NT5DC1: variants seen among roughly 807,000 people sequenced by gnomAD.
NT5DC1 encodes 5'-nucleotidase domain containing 1.
NT5DC1 carries 42 observed loss-of-function variants against 59.4 expected under a neutral mutation model. The ratio of observed to expected loss-of-function variants is 0.71; its 90% CI spans 0.55 to 0.92. The LOEUF is 0.92. Ranked by LOEUF, NT5DC1 falls within the 40% of genes least tolerant of loss-of-function variation. The pLI, the probability that NT5DC1 is intolerant of heterozygous loss-of-function variation, is 0.00. For missense variants in NT5DC1, 501 were observed against 537.1 expected (o/e 0.93, Z 0.66); for synonymous variants, 172 against 188.1 (o/e 0.91, Z 0.70).
chr6:116,220,340 T>C (rs1204796), intron 6 of NT5DC1, among the ~76,000 whole-genome samples: 95,037 of 151,880 alleles, frequency 0.63, 31,610 homozygotes, highest in African/African-American at 0.86. Flanking sequence ...GTAAGTCTGG[T>C]CAGGACATCT....
Position 116,115,747 on chromosome 6 carries a change from A to G in NT5DC1, c.421A>G (p.Arg141Gly), listed in dbSNP as rs1562119536. The G allele has an allele frequency of 1.3e-6, 2 of 1,593,660 alleles. No individual in the cohort carries two copies. Among genetic ancestry groups the G allele is most frequent in the Non-Finnish European group, 1.7e-6 (2 of 1,161,436 alleles). Residue 141 changes from arginine to glycine, a missense_variant, in exon 5 of 12, where the codon AGG (arginine) becomes GGG (glycine). Arg to Gly is a moderately radical substitution (Grantham distance 125, BLOSUM62 -2). Coordinates refer to ENST00000319550, the MANE Select transcript of NT5DC1 (RefSeq NM_152729.3). ...FDLPGALLCA[R>G]VVDYLTKLNN... ...CCTGCCAGGAGCTCTTCTGTGTGCC[A>G]GGGTGGTGGACTATTTAACAAAAGT...
In NT5DC1 at chr6:116,117,876, A is replaced by G. The variant is rs750212829; in HGVS notation, c.460A>G (p.Lys154Glu). Residue 154 changes from lysine to glutamate, a missense_variant, in exon 6 of 12, where the codon AAA becomes GAA. Transcript: ENST00000319550. ...ATTTTTTCAGCTGAACAATGGTCAA[A>G]AAACATTTGATTTTTGGAAGGATAT... ...DYLTKLNNGQ[K>E]TFDFWKDIVA... is the part of the protein sequence containing the mutation. 7.7e-6 allele frequency: 12 copies of G among 1,567,886 alleles called. No individual in the cohort carries two copies. Among genetic ancestry groups the G allele is most frequent in the Non-Finnish European group, 9.6e-6 (11 of 1,141,408 alleles).
At chr6:116,176,843 T>C (rs1256271305) in intron 6 of NT5DC1, among the ~76,000 whole-genome samples, 1 of 152,162 alleles carries the variant, frequency 6.6e-6, no homozygotes. Flanking sequence ...TATTTTCCTC[T>C]TGCCTGGCTG....
chr6:116,172,740 A>G (rs112484203), intron 6 of NT5DC1, among the ~76,000 whole-genome samples: 4 of 152,308 alleles, frequency 2.6e-5, no homozygotes, highest in African/African-American at 9.6e-5. Context: ...TAAAGTATTT[A>G]TTATATTTCT....
At chr6:116,150,318 C>T (rs1007736524) in intron 6 of NT5DC1, among the ~76,000 whole-genome samples, 1 of 151,932 alleles carries the variant, frequency 6.6e-6, no homozygotes, top group African/African-American at 2.4e-5. Context: ...CAAAGTCTTG[C>T]TCTGTCACCC....
At position 116,248,647 on chromosome 6, in the gene NT5DC1, A is replaced by G. The variant is rs1771890663; in HGVS notation, c.*4623A>G. 6.6e-6 allele frequency: 1 copy of G among 152,242 alleles called. No individual in the cohort carries two copies. Among genetic ancestry groups the G allele is most frequent in the Non-Finnish European group, 1.5e-5 (1 of 68,078 alleles). 9.4% of individuals were successfully genotyped at this position (152,242 alleles called of 1,614,324 possible). A position where few individuals can be genotyped will look rare whatever the true frequency, so the allele number is the denominator to read the frequency against. On this transcript the variant is annotated 3_prime_UTR_variant, in exon 12 of 12. Coordinates refer to ENST00000319550, the MANE Select transcript of NT5DC1 (RefSeq NM_152729.3). ...AAAGTGTTGTGTGAGGACCAGGGTA[A>G]TTATGCAGTGTCACCACTACTCACA... is the stretch of plus-strand genomic sequence containing the variant.
chr6:116,169,508 G>A (rs1780559393), intron 6 of NT5DC1, among the ~76,000 whole-genome samples: 1 of 152,188 alleles, frequency 6.6e-6, no homozygotes, highest in Non-Finnish European at 1.5e-5. Flanking sequence ...AGACTATATG[G>A]TAGGAAAATA....
intron 9 of NT5DC1, chr6:116,237,604 TC>T (rs1294235481): frequency 4.4e-5 from 19 of 430,658 alleles, no homozygotes; most frequent in Non-Finnish European, 9.3e-6. Context: ...GATTCTCATA[TC>T]CCTTAACTCT....
chr6:116,110,536 T>C (rs1438682388), intron 3 of NT5DC1, among the ~76,000 whole-genome samples: 1 of 152,180 alleles, frequency 6.6e-6, no homozygotes, highest in Non-Finnish European at 1.5e-5. Context: ...TTCTAATTGC[T>C]CCAGGTATGT....
At chr6:116,233,528 C>T (rs919547738) in intron 8 of NT5DC1, among the ~76,000 whole-genome samples, 3 of 152,182 alleles carry the variant, frequency 2.0e-5, no homozygotes, top group Non-Finnish European at 4.4e-5. Context: ...TTAGTTGTTT[C>T]CTGTTTGTGG....
chr6:116,174,181 A>AT (rs1486506008), intron 6 of NT5DC1, among the ~76,000 whole-genome samples: 1 of 152,116 alleles, frequency 6.6e-6, no homozygotes, highest in African/African-American at 2.4e-5. Context: ...CCAACATAGC[A>AT]TTTGCCATGT....
intron 11 of NT5DC1, among the ~76,000 whole-genome samples, chr6:116,241,925 AAAAAAAAAAAAAACAAAAC>A (rs1185677326): frequency 8.8e-4 from 32 of 36,268 alleles, no homozygotes; most frequent in African/African-American, 5.8e-3. Flanking sequence ...TCCGTCTCAA[AAAAAAAAAAAAAACAAAAC>A]AAAAAAAAAA....
chr6:116,234,904 G>A (rs565242249), intron 8 of NT5DC1, among the ~76,000 whole-genome samples: 1 of 152,232 alleles, frequency 6.6e-6, no homozygotes, highest in African/African-American at 2.4e-5. Context: ...TGGAGGCTCT[G>A]CCAAAACCCG....
rs71554841 is a variant in NT5DC1 at position 116,165,098 on chromosome 6, GAAAAAAA to G, written c.529+47167_529+47173del. On this transcript the variant is annotated intron_variant, in intron 6 of 11. Coordinates refer to ENST00000319550, the MANE Select transcript of NT5DC1 (RefSeq NM_152729.3). ...GGCGACAGAGCGAGACTCCGTCTCA[GAAAAAAA>G]AAAAAAAAAAAAATTATTGGCTGGC... Among the ~76,000 whole-genome samples, 3 of 101,050 alleles carry G rather than the reference GAAAAAAA, an allele frequency of 3.0e-5. No individual in the cohort carries two copies. In the East Asian group the frequency reaches 9.1e-4, roughly 31 times the overall value. 66.3% of individuals were successfully genotyped at this position (101,050 alleles called of 152,430 possible).
At chr6:116,222,923 C>A in intron 7 of NT5DC1, 111 bp from the exon 8 acceptor site, 1 of 629,388 alleles carries the variant, frequency 1.6e-6, no homozygotes, top group South Asian at 1.9e-5. Context: ...AAAAGTTAGT[C>A]AAAAGATGAA....
chr6:116,177,308 C>T (rs1481194814), intron 6 of NT5DC1, among the ~76,000 whole-genome samples: 7 of 151,924 alleles, frequency 4.6e-5, no homozygotes, highest in East Asian at 1.9e-4. Flanking sequence ...TATTCATGGG[C>T]GTTATAGACT....
At chr6:116,135,880 TACAC>T (rs1233709021) in intron 6 of NT5DC1, among the ~76,000 whole-genome samples, 6 of 123,196 alleles carry the variant, frequency 4.9e-5, no homozygotes, top group South Asian at 2.8e-4. Context: ...TATACACACA[TACAC>T]ACACATTGCT....
At chr6:116,220,803 T>C (rs1401484452) in intron 6 of NT5DC1, among the ~76,000 whole-genome samples, 1 of 151,952 alleles carries the variant, frequency 6.6e-6, no homozygotes, top group African/African-American at 2.4e-5. Context: ...TTACCTGTTT[T>C]AACAGTTTAT....
Position 116,106,252 on chromosome 6 carries a change from T to A in NT5DC1, c.102T>A (p.Tyr34Ter). The change falls in exon 2 of 12, where the codon TAT becomes TAA. Residue 34 changes from tyrosine (Y) to a stop codon, truncating the protein, a stop_gained. Transcript: ENST00000319550. LOFTEE classifies it high-confidence loss of function. Reference sequence around the variant, plus strand: ...CTTCCCCTTATTTGCAGCTCATTTATAATAGCTTTGCCCAGTTCCTAGTTA... The same window carrying A: ...CTTCCCCTTATTTGCAGCTCATTTAAAATAGCTTTGCCCAGTTCCTAGTTA... ...YNLPESAPLIYNSFAQFLVKE... is the reference protein window; with the variant it reads ...YNLPESAPLI The A allele has an allele frequency of 1.3e-6, 2 of 1,528,138 alleles. No homozygotes were observed. The highest frequency in any genetic ancestry group is 1.8e-6 in the Non-Finnish European group (2 of 1,102,638). 94.7% of individuals were successfully genotyped at this position (1,528,138 alleles called of 1,614,324 possible). A position where few individuals can be genotyped will look rare whatever the true frequency, so the allele number is the denominator to read the frequency against.
Sources: gnomAD v4.1 joint callset for allele counts (sites outside exome capture counted in the v4.1 genomes callset) on GRCh38, gnomAD v4.1.1 for gene constraint, MANE v1.5 for transcripts, NCBI Gene and HGNC (gene_info 2026-07-23, HGNC 2026-07-21) for gene names.